YRDC: variants seen among roughly 807,000 people sequenced by gnomAD.
YRDC encodes the protein threonylcarbamoyl-AMP synthase.
Under a neutral mutation model 21.5 loss-of-function variants are expected in YRDC, and 17 were observed. The observed-to-expected ratio is 0.79, with a 90% CI of 0.54 to 1.19. The LOEUF is 1.19. YRDC is among the 50% of genes most tolerant of loss of function. The probability of loss-of-function intolerance (pLI) is 0.00; values close to 1 mark genes in which losing one functional copy is unlikely to be tolerated. For synonymous variants in YRDC, 193 were observed against 176.7 expected, an observed-to-expected ratio of 1.09 and a Z score of -0.73; for missense variants, 380 against 397.1, an observed-to-expected ratio of 0.96 and a Z score of 0.37.
At chr1:37,804,720 T>G (rs996617659) in intron 3 of YRDC, among the ~76,000 whole-genome samples, 4 of 152,146 alleles carry the variant, frequency 2.6e-5, no homozygotes, top group African/African-American at 9.7e-5. Context: ...TTGCTTCAGT[T>G]AGGGAAATAT....
At position 37,804,393 on chromosome 1, in the gene YRDC, T is replaced by G. The variant is rs766277626; in HGVS notation, c.676A>C (p.Ile226Leu). ...CACTCGGGGCTCTGGCCATCCCCAA[T>G]TTGTCCCCCATCAATAACCAAGGAC... Reference protein sequence around the residue: ...QLSLVIDGGQIGDGQSPECRL... With the variant: ...QLSLVIDGGQLGDGQSPECRL... Residue 226 changes from isoleucine to leucine, a missense_variant, in exon 4 of 5, where the codon ATT (isoleucine) becomes CTT (leucine). Physicochemically the swap from Ile to Leu is conservative, Grantham distance 5. Around this residue, in one of 3 missense-constraint regions of YRDC, gnomAD observed 238 missense variants for 236.5 expected, o/e 1.01. Transcript: ENST00000373044. 3 of 1,613,922 alleles carry G rather than the reference T, an allele frequency of 1.9e-6. No individual in the cohort carries two copies. In the East Asian group the frequency reaches 6.7e-5, roughly 36 times the overall value.
chr1:37,804,789 G>A (rs28639068), intron 3 of YRDC, among the ~76,000 whole-genome samples: 13,777 of 152,162 alleles, frequency 0.091, 1,554 homozygotes, highest in African/African-American at 0.26. Context: ...ACTTTCCATC[G>A]TATCTCCGTG....
Position 37,808,127 on chromosome 1 carries a change from C to A in YRDC, c.54G>T (p.Val18=). The stretch of plus-strand genomic sequence containing the variant: ...AGCCAGCAGGCCCCTCGCTCAACCC[C>A]ACGCTGGCAGCCACCGCGGCCCTCA... The part of the protein sequence containing the change: ...RGMRAAVAAS[V]GLSEGPAGSR... The change falls in exon 1 of 5, where the codon GTG becomes GTT. Residue 18 remains valine (V), a synonymous_variant. Coordinates refer to ENST00000373044, the MANE Select transcript of YRDC (RefSeq NM_024640.4). The A allele has an allele frequency of 6.8e-7, 1 of 1,469,112 alleles. No homozygotes were observed. The highest frequency in any genetic ancestry group is 9.0e-7 in the Non-Finnish European group (1 of 1,116,990). The allele number at this position is 1,469,112 out of a possible 1,614,324, so 91.0% of individuals were successfully genotyped here. A position where few individuals can be genotyped will look rare whatever the true frequency, so the allele number is the denominator to read the frequency against.
In YRDC at chr1:37,803,600, C is replaced by T. The variant is rs1031058967; in HGVS notation, c.*325G>A. 7.6e-6 allele frequency: 2 copies of T among 262,860 alleles called. No individual in the cohort carries two copies. The highest frequency in any genetic ancestry group is 4.4e-5 in the African/African-American group (2 of 45,474). 16.3% of individuals were successfully genotyped at this position (262,860 alleles called of 1,614,324 possible). ...AGGAGGCTCTCACTAGATTCTAAAT[C>T]TGTTATTTAATTACTTTTCAATTGA... On this transcript the variant is annotated 3_prime_UTR_variant, in exon 5 of 5. Coordinates refer to ENST00000373044, the MANE Select transcript of YRDC (RefSeq NM_024640.4).
intron 3 of YRDC, 41 bp from the exon 4 acceptor site, chr1:37,804,485 G>A: frequency 6.3e-7 from 1 of 1,584,072 alleles, no homozygotes. Context: ...ACTATCCCTG[G>A]TGTATCCAAT....
At chr1:37,806,618 A>T (rs1646737973) in intron 3 of YRDC, among the ~76,000 whole-genome samples, 2 of 152,234 alleles carry the variant, frequency 1.3e-5, no homozygotes, top group Admixed American at 1.3e-4. Context: ...TCCTATTATT[A>T]TAAAGACTGA....
intron 4 of YRDC, 105 bp from the exon 5 acceptor site, chr1:37,804,102 T>A: frequency 2.0e-6 from 3 of 1,492,442 alleles, no homozygotes; most frequent in Non-Finnish European, 2.8e-6. Flanking sequence ...TGTTAAGCCC[T>A]GTTCATCAAC....
intron 1 of YRDC, 77 bp from the exon 2 acceptor site, chr1:37,807,292 T>G: frequency 7.5e-7 from 1 of 1,341,932 alleles, no homozygotes; most frequent in South Asian, 1.2e-5. Flanking sequence ...TAGGCAGACG[T>G]AGAAAAGGAA....
chr1:37,806,543 CCTAA>C (rs555065747), intron 3 of YRDC, among the ~76,000 whole-genome samples: 33 of 152,256 alleles, frequency 2.2e-4, no homozygotes, highest in African/African-American at 6.5e-4. Context: ...AGATTTATAG[CCTAA>C]CTGTGTTCTC....
intron 1 of YRDC, chr1:37,807,564 A>G (rs1054106546): frequency 1.2e-6 from 1 of 865,468 alleles, no homozygotes; most frequent in Non-Finnish European, 1.7e-6. Context: ...TAGCACAAAT[A>G]CGCCAAGGGA....
intron 3 of YRDC, among the ~76,000 whole-genome samples, chr1:37,806,597 C>A: frequency 6.6e-6 from 1 of 152,210 alleles, no homozygotes; most frequent in Non-Finnish European, 1.5e-5. Context: ...AGACATTGTT[C>A]TTATAATCTT....
rs1386243340 is a variant in YRDC, at chr1:37,806,971, T to G, written c.510A>C (p.Val170=). The change falls in exon 3 of 5, where the codon GTA becomes GTC. Residue 170 remains valine, a synonymous_variant. Transcript: ENST00000373044. The part of the protein sequence containing the change: ...NKDLNPFTPL[V]GIRIPDHAFM... ...AAGCATGATCAGGAATCCGAATGCC[T>G]ACAAGCTGTAAGGCAAGGGGAAAGG... is the stretch of plus-strand genomic sequence containing the variant. 1.9e-6 allele frequency: 3 copies of G among 1,614,016 alleles called. No homozygotes were observed. In the African/African-American group the frequency reaches 4.0e-5, roughly 22 times the overall value.
At chr1:37,807,638 C>A (rs1569827280) in intron 1 of YRDC, 154 bp downstream of exon 1, 1 of 1,305,804 alleles carries the variant, frequency 7.7e-7, no homozygotes, top group Non-Finnish European at 9.9e-7. Context: ...GGGCCCGGGG[C>A]ACGTTAAGTC....
At position 37,803,060 on chromosome 1, in the gene YRDC, G is replaced by A. The variant is rs1230106332; in HGVS notation, c.*865C>T. ...ATATAAATAGACAAAAGGCTGCGGA[G>A]AACACTGGATTTAAATAAAGGTGTT... On this transcript the variant is annotated 3_prime_UTR_variant, in exon 5 of 5. Transcript: ENST00000373044. 1.3e-5 allele frequency: 2 copies of A among 152,176 alleles called. No homozygotes were observed. Among genetic ancestry groups the A allele is most frequent in the Admixed American group, 6.5e-5 (1 of 15,278 alleles). The allele number at this position is 152,176 out of a possible 1,614,324, so 9.4% of individuals were successfully genotyped here.
intron 1 of YRDC, 191 bp from the exon 2 acceptor site, chr1:37,807,406 T>C (rs1646746344): frequency 4.8e-6 from 3 of 629,290 alleles, no homozygotes; most frequent in East Asian, 5.6e-5. Flanking sequence ...TTGACGCCCA[T>C]GTGCCTCTGG....
intron 3 of YRDC, among the ~76,000 whole-genome samples, chr1:37,805,586 T>C (rs1646729147): frequency 6.6e-6 from 1 of 152,224 alleles, no homozygotes; most frequent in Non-Finnish European, 1.5e-5. Flanking sequence ...GTTACTGTGT[T>C]GGACAGGTCA....
chr1:37,805,306 G>A (rs780458692), intron 3 of YRDC, among the ~76,000 whole-genome samples: 4 of 152,126 alleles, frequency 2.6e-5, no homozygotes, highest in African/African-American at 4.8e-5. Flanking sequence ...GTCACTTAAT[G>A]GCTGCGTAAC....
Position 37,806,964 on chromosome 1 carries a change from G to A in YRDC, c.517C>T (p.Arg173Trp), listed in dbSNP as rs766519205. ...LNPFTPLVGIRIPDHAFMQDL... is the reference protein window; with the variant it reads ...LNPFTPLVGIWIPDHAFMQDL... Reference sequence around the variant, plus strand: ...TGCATAAAAGCATGATCAGGAATCCGAATGCCTACAAGCTGTAAGGCAAGG... The same window carrying A: ...TGCATAAAAGCATGATCAGGAATCCAAATGCCTACAAGCTGTAAGGCAAGG... Residue 173 changes from arginine (R) to tryptophan (W), a missense_variant, in exon 3 of 5, where the codon CGG (arginine) becomes TGG (tryptophan). By Grantham distance (101) the Arg-to-Trp change is moderately radical. Transcript: ENST00000373044. 9 of 1,614,168 alleles carry A rather than the reference G, an allele frequency of 5.6e-6. No homozygotes were observed. The highest frequency in any genetic ancestry group is 7.6e-6 in the Non-Finnish European group (9 of 1,180,032).
At chr1:37,806,744 T>C in intron 3 of YRDC, 113 bp downstream of exon 3, 2 of 1,520,286 alleles carry the variant, frequency 1.3e-6, no homozygotes, top group Non-Finnish European at 8.9e-7. Context: ...TTCCCACTGT[T>C]GGCCCAAGAA....
Sources: gnomAD v4.1 joint callset for allele counts (sites outside exome capture counted in the v4.1 genomes callset) on GRCh38, gnomAD v4.1.1 for gene constraint, gnomAD v4.1.1 regional missense constraint, MANE v1.5 for transcripts, NCBI Gene and HGNC (gene_info 2026-07-23, HGNC 2026-07-21) for gene names.